The following UBL3 variants were observed in gnomAD, a reference collection of about 807,000 sequenced individuals.
UBL3 encodes ubiquitin-like protein 3.
In UBL3, 6 loss-of-function variants were observed where a neutral mutation model predicts 18.4. That is an observed-to-expected ratio of 0.33 (90% CI 0.18 to 0.64). The LOEUF is 0.64. UBL3 is among the 30% of genes least tolerant of loss of function. UBL3 has a pLI of 0.76. For synonymous variants in UBL3, 49 were observed against 46.6 expected, an observed-to-expected ratio of 1.05 and a Z score of -0.21; for missense variants, 109 against 142.9, an observed-to-expected ratio of 0.76 and a Z score of 1.21.
At chr13:29,807,942 A>C (rs1270192246) in intron 1 of UBL3, among the ~76,000 whole-genome samples, 1 of 152,164 alleles carries the variant, frequency 6.6e-6, no homozygotes, top group Non-Finnish European at 1.5e-5. Flanking sequence ...TTAATGGTTA[A>C]ACGTATTACA....
intron 1 of UBL3, among the ~76,000 whole-genome samples, chr13:29,811,721 T>C (rs1878092216): frequency 6.6e-6 from 1 of 152,116 alleles, no homozygotes; most frequent in African/African-American, 2.4e-5. Flanking sequence ...CCTGGCTGCT[T>C]GATAACATCA....
At chr13:29,814,392 C>G (rs1878209076) in intron 1 of UBL3, among the ~76,000 whole-genome samples, 1 of 151,654 alleles carries the variant, frequency 6.6e-6, no homozygotes, top group Admixed American at 6.6e-5. Flanking sequence ...ACATGAAAAC[C>G]TATTAAGAGC....
At chr13:29,787,881 G>C (rs890322761) in intron 1 of UBL3, among the ~76,000 whole-genome samples, 8 of 152,256 alleles carry the variant, frequency 5.3e-5, no homozygotes, top group African/African-American at 1.7e-4. Context: ...TAAAGGCAAA[G>C]CACTAGAGAG....
At chr13:29,788,738 G>GA in intron 1 of UBL3, among the ~76,000 whole-genome samples, 1 of 151,838 alleles carries the variant, frequency 6.6e-6, no homozygotes, top group Non-Finnish European at 1.5e-5. Context: ...TAGATGCTAA[G>GA]AAAAAAAGAA....
chr13:29,814,108 A>G (rs1296490869), intron 1 of UBL3, among the ~76,000 whole-genome samples: 2 of 152,236 alleles, frequency 1.3e-5, no homozygotes, highest in South Asian at 4.1e-4. Flanking sequence ...CAGTAGTTTT[A>G]GGTCTAATTT....
chr13:29,845,985 T>C (rs1278488066), intron 1 of UBL3, among the ~76,000 whole-genome samples: 2 of 152,110 alleles, frequency 1.3e-5, no homozygotes, highest in Admixed American at 6.5e-5. Context: ...CAAGAATGTA[T>C]TTCTTGATAA....
intron 1 of UBL3, among the ~76,000 whole-genome samples, chr13:29,782,898 A>C (rs939115139): frequency 6.6e-6 from 1 of 152,234 alleles, no homozygotes; most frequent in Non-Finnish European, 1.5e-5. Flanking sequence ...TGCACTGCTG[A>C]GTAAAGTAAC....
intron 1 of UBL3, among the ~76,000 whole-genome samples, chr13:29,817,372 C>G (rs1878308684): frequency 6.6e-6 from 1 of 152,044 alleles, no homozygotes; most frequent in East Asian, 1.9e-4. Context: ...GCAGAACCTT[C>G]GAATTTTTTA....
chr13:29,812,937 G>T (rs989412668), intron 1 of UBL3, among the ~76,000 whole-genome samples: 2 of 151,956 alleles, frequency 1.3e-5, no homozygotes, highest in Admixed American at 1.3e-4. Flanking sequence ...TAACTTTAAT[G>T]TGGCTACCAG....
At position 29,766,062 on chromosome 13, in the gene UBL3, T is replaced by C. The variant is rs2139302674; in HGVS notation, c.*1193A>G. On this transcript the variant is annotated 3_prime_UTR_variant, in exon 5 of 5. Transcript: ENST00000380680. ...TTTGTAATTTCATCCAGGAAGAATTTCTTCCCAGTGAAAAAATATAAAAAT... is the reference window on the plus strand; with the variant it reads ...TTTGTAATTTCATCCAGGAAGAATTCCTTCCCAGTGAAAAAATATAAAAAT... 6.5e-6 allele frequency: 1 copy of C among 152,712 alleles called. No homozygotes were observed. The highest frequency in any genetic ancestry group is 2.4e-5 in the African/African-American group (1 of 41,580). 9.5% of individuals were successfully genotyped at this position (152,712 alleles called of 1,614,324 possible). A position where few individuals can be genotyped will look rare whatever the true frequency, so the allele number is the denominator to read the frequency against.
intron 1 of UBL3, among the ~76,000 whole-genome samples, chr13:29,829,530 C>T (rs900245612): frequency 5.3e-5 from 8 of 152,328 alleles, no homozygotes; most frequent in East Asian, 1.9e-4. Context: ...TTGCTAAGAC[C>T]GTTGGAAAAA....
chr13:29,801,183 C>T (rs1443479695), intron 1 of UBL3, among the ~76,000 whole-genome samples: 1 of 152,146 alleles, frequency 6.6e-6, no homozygotes, highest in Non-Finnish European at 1.5e-5. Context: ...CTCTGGCATG[C>T]CACAGCCACC....
intron 1 of UBL3, among the ~76,000 whole-genome samples, chr13:29,820,027 C>T (rs1467678012): frequency 6.6e-6 from 1 of 152,170 alleles, no homozygotes; most frequent in Non-Finnish European, 1.5e-5. Flanking sequence ...AACAATGTTT[C>T]TTAACTTATT....
chr13:29,846,168 T>C (rs34114731), intron 1 of UBL3, among the ~76,000 whole-genome samples: 6,904 of 152,064 alleles, frequency 0.045, 225 homozygotes, highest in Middle Eastern at 0.092. Context: ...GGCTGCAACA[T>C]AAATAAATAA....
chr13:29,788,871 GCGCGCGCGCGCGCACGCGCA>G (rs1462559550), intron 1 of UBL3, among the ~76,000 whole-genome samples: 69 of 19,836 alleles, frequency 3.5e-3, no homozygotes, highest in Admixed American at 6.7e-3. Context: ...GTGTGTGTGT[GCGCGCGCGCGCGCACGCGCA>G]CGTGTGTGCG....
Position 29,832,657 on chromosome 13 carries a change from C to T in UBL3, c.27+16855G>A, listed in dbSNP as rs117026602. Among the ~76,000 whole-genome samples, 190 of 152,160 alleles carry T rather than the reference C, an allele frequency of 1.2e-3. No homozygotes were observed. In the East Asian group the frequency reaches 0.029, roughly 23 times the overall value. On this transcript the variant is annotated intron_variant, in intron 1 of 4. Coordinates refer to ENST00000380680, the MANE Select transcript of UBL3 (RefSeq NM_007106.4). ...GCCATCAGAACCAGAAGTACTGATG[C>T]CTGCATAGTTAATTTAAGTTAGCAC... is the stretch of plus-strand genomic sequence containing the variant.
intron 1 of UBL3, among the ~76,000 whole-genome samples, chr13:29,829,231 T>C (rs1372993028): frequency 6.6e-6 from 1 of 152,202 alleles, no homozygotes; most frequent in East Asian, 1.9e-4. Flanking sequence ...GACAGGGACA[T>C]TTAAGTCTGC....
chr13:29,829,356 C>T (rs920842879), intron 1 of UBL3, among the ~76,000 whole-genome samples: 64 of 151,914 alleles, frequency 4.2e-4, no homozygotes, highest in African/African-American at 1.1e-3. Flanking sequence ...GCTTCTAGGC[C>T]GCTTTGTTTA....
chr13:29,846,566 A>G (rs938283797), intron 1 of UBL3, among the ~76,000 whole-genome samples: 4 of 152,170 alleles, frequency 2.6e-5, no homozygotes, highest in Non-Finnish European at 5.9e-5. Flanking sequence ...CAAAGCTAAA[A>G]AATCTATTTT....
Sources: gnomAD v4.1 joint callset for allele counts (sites outside exome capture counted in the v4.1 genomes callset) on GRCh38, gnomAD v4.1.1 for gene constraint, MANE v1.5 for transcripts, NCBI Gene and HGNC (gene_info 2026-07-23, HGNC 2026-07-21) for gene names.